The following COQ8B variants were observed in gnomAD, a reference collection of about 807,000 sequenced individuals.
COQ8B encodes the protein coenzyme Q8B.
In COQ8B, 44 loss-of-function variants were observed where a neutral mutation model predicts 62.0. The observed-to-expected ratio is 0.71, with a 90% confidence interval of 0.56 to 0.91. The LOEUF (loss-of-function observed/expected upper bound fraction) is 0.91. Ranked by LOEUF, COQ8B falls within the 40% of genes least tolerant of loss-of-function variation. The pLI is 0.00. For missense variants in COQ8B, 649 were observed against 731.6 expected, an observed-to-expected ratio of 0.89 and a Z score of 1.30; for synonymous variants, 252 against 289.9, an observed-to-expected ratio of 0.87 and a Z score of 1.33.
intron 5 of COQ8B, among the ~76,000 whole-genome samples, chr19:40,706,043 C>T (rs538623586): frequency 2.0e-5 from 3 of 152,112 alleles, no homozygotes; most frequent in African/African-American, 7.2e-5. Context: ...GCTATCACTA[C>T]ACACAACAGC....
chr19:40,702,169 A>G (rs1312258149), intron 10 of COQ8B, among the ~76,000 whole-genome samples: 1 of 152,146 alleles, frequency 6.6e-6, no homozygotes. Context: ...ATAAGGGCTT[A>G]TGTGATGATG....
chr19:40,699,392 GCCTCC>G (rs2082043878), intron 12 of COQ8B, among the ~76,000 whole-genome samples: 1 of 149,268 alleles, frequency 6.7e-6, no homozygotes, highest in East Asian at 2.0e-4. Flanking sequence ...CTCTGCCTGT[GCCTCC>G]CCCATCCCGG....
chr19:40,704,829 G>T (rs951253947), intron 7 of COQ8B: 1 of 424,370 alleles, frequency 2.4e-6, no homozygotes, highest in Non-Finnish European at 4.3e-6. Context: ...AGTGTAAACT[G>T]ATTTATGTGA....
At chr19:40,715,553 C>T (rs889975484) in intron 1 of COQ8B, 3 of 985,564 alleles carry the variant, frequency 3.0e-6, no homozygotes, top group Non-Finnish European at 3.6e-6. Context: ...ATTCTGGCAC[C>T]CAACCTCCTT....
rs79410410 is a variant in COQ8B at position 40,708,377 on chromosome 19, G to A, written c.367+1682C>T. 1.7e-3 allele frequency among the ~76,000 whole-genome samples: 257 copies of A among 152,260 alleles called. 3 individuals carry two copies. The East Asian group carries it at 0.03, about 18-fold the overall frequency. ...AATAAAATTTAAAATAAAATAAAAT[G>A]TTATTGAGCTCATTATTGAGCTGTT... On this transcript the variant is annotated intron_variant, in intron 5 of 14. Coordinates refer to ENST00000324464, the MANE Select transcript of COQ8B (RefSeq NM_024876.4).
rs373150713 is a variant in COQ8B, at chr19:40,702,742, T to C, written c.800-49A>G. The stretch of plus-strand genomic sequence containing the variant: ...GGGAAGGGCCCCGAGCGCCCACTGG[T>C]GGATGCCTTCTCCTGCCAACCCTCT... On this transcript the variant is annotated intron_variant, in intron 9 of 14. Transcript: ENST00000324464. 74 of 1,559,126 alleles carry C rather than the reference T, an allele frequency of 4.7e-5. No individual in the cohort carries two copies. In the Middle Eastern group the frequency reaches 1.0e-3, roughly 22 times the overall value.
At chr19:40,712,220 C>T (rs1392577563) in intron 4 of COQ8B, among the ~76,000 whole-genome samples, 1 of 151,758 alleles carries the variant, frequency 6.6e-6, no homozygotes, top group Middle Eastern at 3.2e-3. Context: ...AGGTGGATCA[C>T]GAGGTGAGGA....
At chr19:40,697,312 C>T (rs2082021931) in intron 12 of COQ8B, among the ~76,000 whole-genome samples, 1 of 152,042 alleles carries the variant, frequency 6.6e-6, no homozygotes, top group Non-Finnish European at 1.5e-5. Flanking sequence ...TAGGGTTTCA[C>T]TACGTTGCCC....
chr19:40,716,535 T>C (rs1345469739), intron 1 of COQ8B, 52 bp downstream of exon 1: 2 of 152,242 alleles, frequency 1.3e-5, no homozygotes, highest in African/African-American at 4.8e-5. Flanking sequence ...ACTGAAATCG[T>C]GTCAGGGTCT....
intron 1 of COQ8B, chr19:40,715,082 C>T: frequency 1.0e-6 from 1 of 989,300 alleles, no homozygotes. Context: ...AGTCCGCAAC[C>T]TGCTGGGGCC....
chr19:40,714,833 C>T, intron 1 of COQ8B, 198 bp from the exon 2 acceptor site: 1 of 1,352,636 alleles, frequency 7.4e-7, no homozygotes, highest in Non-Finnish European at 9.5e-7. Context: ...TCCCAAAACC[C>T]ACTTTCCCCC....
At position 40,693,357 on chromosome 19, in the gene COQ8B, G is replaced by A. The variant is rs532391320; in HGVS notation, c.1210-320C>T. 3.9e-5 allele frequency among the ~76,000 whole-genome samples: 6 copies of A among 152,286 alleles called. No individual in the cohort carries two copies. The East Asian group carries it at 7.7e-4, about 20-fold the overall frequency. ...GGTGAGTCCAAACACTCAACTGGAC[G>A]GGTATGAGCGTGACCCAGAACTGCA... On this transcript the variant is annotated intron_variant, in intron 13 of 14. Transcript: ENST00000324464.
intron 13 of COQ8B, among the ~76,000 whole-genome samples, chr19:40,695,395 A>G (rs2082007056): frequency 6.6e-6 from 1 of 152,150 alleles, no homozygotes; most frequent in Non-Finnish European, 1.5e-5. Context: ...TAGAGGACCC[A>G]GGGCAAATGT....
chr19:40,699,344 A>G (rs1008204830), intron 12 of COQ8B, among the ~76,000 whole-genome samples: 6 of 151,792 alleles, frequency 4.0e-5, no homozygotes, highest in African/African-American at 1.5e-4. Context: ...CTGGGATCCC[A>G]TAACTTCCTG....
At position 40,700,145 on chromosome 19, in the gene COQ8B, C is replaced by T. The variant is rs747080363; in HGVS notation, c.1065G>A (p.Leu355=). 3 of 1,614,238 alleles carry T rather than the reference C, an allele frequency of 1.9e-6. No individual in the cohort carries two copies. In the East Asian group the frequency reaches 6.7e-5, roughly 36 times the overall value. ...TGAATCGGAACTCAAACAGCTCCCG[C>T]AGACACAGCGTCAGGAGCTGGAAGC... is the stretch of plus-strand genomic sequence containing the variant. ...QICFQLLTLC[L]RELFEFRFMQ... is the part of the protein sequence containing the mutation. The change falls in exon 12 of 15, where the codon CTG becomes CTA. Residue 355 remains leucine (L), a synonymous_variant. Transcript: ENST00000324464.
chr19:40,716,884 G>A lies in COQ8B; in HGVS notation c.-301C>T. 3.8e-6 allele frequency: 1 copy of A among 261,080 alleles called. No individual in the cohort carries two copies. The highest frequency in any genetic ancestry group is 7.2e-6 in the Non-Finnish European group (1 of 138,292). 16.2% of individuals were successfully genotyped at this position (261,080 alleles called of 1,614,324 possible). On this transcript the variant is annotated 5_prime_UTR_variant, in exon 1 of 15. Coordinates refer to ENST00000324464, the MANE Select transcript of COQ8B (RefSeq NM_024876.4). ...TACCTGGCCGCGCTTCGGATGCTCA[G>A]AGGCAAACCCCCTCCCCTTGGGAGG...
rs534411840 is a variant in COQ8B at position 40,692,201 on chromosome 19, C to T, written c.1469G>A (p.Arg490His). The change falls in exon 15 of 15, where the codon CGC (arginine) becomes CAC (histidine). Residue 490 changes from arginine (R) to histidine (H), a missense_variant. Coordinates refer to ENST00000324464, the MANE Select transcript of COQ8B (RefSeq NM_024876.4). ...PPPEETYALHRKLAGAFLACA... is the reference protein window; with the variant it reads ...PPPEETYALHHKLAGAFLACA... Reference sequence around the variant, plus strand: ...GGCCAGGAAAGCCCCTGCCAGCTTGCGGTGCAGGGCATAGGTCTCCTCGGG... The same window carrying T: ...GGCCAGGAAAGCCCCTGCCAGCTTGTGGTGCAGGGCATAGGTCTCCTCGGG... 1.5e-5 allele frequency: 24 copies of T among 1,599,320 alleles called. No homozygotes were observed. The highest frequency in any genetic ancestry group is 2.7e-5 in the African/African-American group (2 of 74,608).
At chr19:40,701,792 C>T (rs1425936701) in intron 10 of COQ8B, among the ~76,000 whole-genome samples, 1 of 152,114 alleles carries the variant, frequency 6.6e-6, no homozygotes, top group Non-Finnish European at 1.5e-5. Flanking sequence ...CTGCCTTCTA[C>T]TGAGCTTTCA....
chr19:40,692,196 G>C lies in COQ8B; in HGVS notation c.1474C>G (p.Leu492Val). 1 of 1,598,632 alleles carries C rather than the reference G, an allele frequency of 6.3e-7. No homozygotes were observed. Among genetic ancestry groups the C allele is most frequent in the Non-Finnish European group, 8.5e-7 (1 of 1,172,652 alleles). Reference sequence around the variant, plus strand: ...GCACAGGCCAGGAAAGCCCCTGCCAGCTTGCGGTGCAGGGCATAGGTCTCC... The same window carrying C: ...GCACAGGCCAGGAAAGCCCCTGCCACCTTGCGGTGCAGGGCATAGGTCTCC... ...PEETYALHRK[L>V]AGAFLACAHL... Residue 492 changes from leucine to valine, a missense_variant, in exon 15 of 15, where the codon CTG (leucine) becomes GTG (valine). Leu to Val is a conservative substitution (Grantham distance 32). Transcript: ENST00000324464.
Sources: allele counts gnomAD v4.1 joint callset (sites outside exome capture counted in the v4.1 genomes callset), GRCh38; gene constraint gnomAD v4.1.1; transcripts MANE v1.5; gene names NCBI Gene and HGNC (gene_info 2026-07-23, HGNC 2026-07-21).